Variants in CCDC7 observed in about 807,000 individuals in gnomAD.
CCDC7 encodes the protein coiled-coil domain containing 7.
Under a neutral mutation model 196.9 loss-of-function variants are expected in CCDC7, and 183 were observed. The observed-to-expected ratio is 0.93, with a 90% confidence interval of 0.82 to 1.05. The LOEUF is 1.05. Among genes scored for constraint, CCDC7 ranks in the 50% least tolerant of loss-of-function variants. The pLI is 0.00. For synonymous variants in CCDC7, 525 were observed against 484.6 expected, an observed-to-expected ratio of 1.08 and a Z score of -1.10; for missense variants, 1,540 against 1,482.2, an observed-to-expected ratio of 1.04 and a Z score of -0.64.
chr10:32,622,597 A>T (rs2063532955), intron 18 of CCDC7, among the ~76,000 whole-genome samples: 1 of 151,976 alleles, frequency 6.6e-6, no homozygotes, highest in South Asian at 2.1e-4. Context: ...CAACCTCTGC[A>T]CTGTTGACAT....
intron 18 of CCDC7, among the ~76,000 whole-genome samples, chr10:32,624,977 TGCA>T: frequency 6.9e-6 from 1 of 144,752 alleles, no homozygotes; most frequent in Non-Finnish European, 1.5e-5. Context: ...TTCTTTGCTT[TGCA>T]CAAGTTTTTT....
chr10:32,702,754 CTTTACCA>C (rs1024847625), intron 24 of CCDC7, among the ~76,000 whole-genome samples: 20 of 151,424 alleles, frequency 1.3e-4, no homozygotes, highest in African/African-American at 4.6e-4. Flanking sequence ...TTGTTGATCC[CTTTACCA>C]TTATGTAATG....
intron 18 of CCDC7, among the ~76,000 whole-genome samples, chr10:32,595,486 A>G (rs984950792): frequency 2.6e-5 from 4 of 152,096 alleles, no homozygotes; most frequent in Non-Finnish European, 5.9e-5. Flanking sequence ...TGATCTTTTC[A>G]AAAAACCATC....
intron 9 of CCDC7, among the ~76,000 whole-genome samples, chr10:32,508,183 T>C (rs2045514924): frequency 1.3e-5 from 2 of 152,178 alleles, no homozygotes; most frequent in Admixed American, 6.5e-5. Flanking sequence ...CCCAAAACTC[T>C]TAGAACTAAT....
At chr10:32,548,599 A>G (rs2052913731) in intron 13 of CCDC7, among the ~76,000 whole-genome samples, 2 of 152,184 alleles carry the variant, frequency 1.3e-5, no homozygotes, top group Non-Finnish European at 2.9e-5. Context: ...ATTGTACTTA[A>G]CAATTTACAG....
intron 31 of CCDC7, among the ~76,000 whole-genome samples, chr10:32,818,636 G>C (rs1020842118): frequency 6.6e-6 from 1 of 152,174 alleles, no homozygotes; most frequent in East Asian, 1.9e-4. Flanking sequence ...ATAACAAACT[G>C]TCTCTCAGAC....
intron 24 of CCDC7, among the ~76,000 whole-genome samples, chr10:32,709,444 A>T (rs1230789392): frequency 6.6e-6 from 1 of 152,190 alleles, no homozygotes; most frequent in Non-Finnish European, 1.5e-5. Flanking sequence ...CGTTATGCAC[A>T]TGTACCCTAG....
intron 24 of CCDC7, among the ~76,000 whole-genome samples, chr10:32,697,437 C>T (rs753401657): frequency 2.6e-5 from 4 of 152,198 alleles, no homozygotes; most frequent in Non-Finnish European, 5.9e-5. Context: ...GAAGCCATGA[C>T]AGATGGTACC....
chr10:32,462,605 A>G, intron 3 of CCDC7, 78 bp from the exon 5 acceptor site: 4 of 1,146,250 alleles, frequency 3.5e-6, no homozygotes, highest in Admixed American at 6.5e-5. Flanking sequence ...AAAATTGCAA[A>G]AGACTGAACT....
At chr10:32,508,552 A>G (rs2045568391) in intron 9 of CCDC7, among the ~76,000 whole-genome samples, 1 of 152,230 alleles carries the variant, frequency 6.6e-6, no homozygotes, top group African/African-American at 2.4e-5. Context: ...TAAAATTCAT[A>G]TGCAATTTCA....
At chr10:32,636,201 T>G (rs914288919) in intron 20 of CCDC7, among the ~76,000 whole-genome samples, 5 of 152,150 alleles carry the variant, frequency 3.3e-5, no homozygotes, top group Non-Finnish European at 2.9e-5. Context: ...ACACCACAGA[T>G]CTGGTTTTCA....
intron 21 of CCDC7, among the ~76,000 whole-genome samples, chr10:32,674,974 A>T (rs1054969932): frequency 6.6e-6 from 1 of 151,972 alleles, no homozygotes; most frequent in African/African-American, 2.4e-5. Context: ...CGTCACTTTT[A>T]GTTCAGTTTG....
At chr10:32,704,785 C>T (rs2079404069) in intron 24 of CCDC7, among the ~76,000 whole-genome samples, 1 of 152,136 alleles carries the variant, frequency 6.6e-6, no homozygotes, top group South Asian at 2.1e-4. Flanking sequence ...AGTGACGCTC[C>T]GTCAGTCAGT....
chr10:32,649,448 A>C (rs1183898548), intron 20 of CCDC7, among the ~76,000 whole-genome samples: 3 of 152,190 alleles, frequency 2.0e-5, no homozygotes, highest in Non-Finnish European at 4.4e-5. Context: ...GCTGCCTCTA[A>C]GGATTTTTCT....
At chr10:32,453,504 T>A in intron 2 of CCDC7, 68 bp downstream of exon 3, 1 of 1,084,534 alleles carries the variant, frequency 9.2e-7, no homozygotes. Flanking sequence ...TTTAAAAATA[T>A]AAATTTAAAA....
intron 21 of CCDC7, among the ~76,000 whole-genome samples, chr10:32,673,218 G>C (rs541710873): frequency 6.6e-6 from 1 of 152,104 alleles, no homozygotes; most frequent in Admixed American, 6.5e-5. Flanking sequence ...TTTAAAATCA[G>C]GAAGTATGAT....
chr10:32,849,903 G>T (rs2093478669), intron 39 of CCDC7, among the ~76,000 whole-genome samples: 4 of 152,092 alleles, frequency 2.6e-5, no homozygotes, highest in African/African-American at 9.7e-5. Context: ...TGATGCTAGT[G>T]TCCCTGATTC....
chr10:32,516,297 T>C (rs2135477486), intron 9 of CCDC7, among the ~76,000 whole-genome samples: 1 of 151,638 alleles, frequency 6.6e-6, no homozygotes, highest in South Asian at 2.1e-4. Flanking sequence ...TTTTTTTTGT[T>C]TTTTTTTTGA....
chr10:32,626,102 T>A (rs1453982876), intron 18 of CCDC7, among the ~76,000 whole-genome samples: 1 of 152,088 alleles, frequency 6.6e-6, no homozygotes, highest in Non-Finnish European at 1.5e-5. Context: ...AATTGCCAGA[T>A]CATATGGTGA....
Sources: allele counts gnomAD v4.1 joint callset (sites outside exome capture counted in the v4.1 genomes callset), GRCh38; gene constraint gnomAD v4.1.1; transcripts MANE v1.5; gene names NCBI Gene and HGNC (gene_info 2026-07-23, HGNC 2026-07-21).